The following PHACTR3 variants were observed in gnomAD, a reference collection of about 807,000 sequenced individuals.
The protein encoded by PHACTR3 is phosphatase and actin regulator 3.
PHACTR3 carries 16 observed loss-of-function variants against 66.8 expected under a neutral mutation model. The ratio of observed to expected loss-of-function variants is 0.24; its 90% CI spans 0.16 to 0.36. PHACTR3 has a LOEUF of 0.36. Ranked by LOEUF, PHACTR3 falls within the 10% of genes least tolerant of loss-of-function variation. PHACTR3 has a pLI of 1.00. For missense variants in PHACTR3, 647 were observed against 719.9 expected (o/e 0.90, Z 1.16); for synonymous variants, 323 against 292.1 (o/e 1.11, Z -1.08).
chr20:59,672,345 C>T (rs1333673172), intron 1 of PHACTR3, among the ~76,000 whole-genome samples: 1 of 152,240 alleles, frequency 6.6e-6, no homozygotes, highest in Admixed American at 6.5e-5. Context: ...ACCTCAGTTT[C>T]CCATCTCTAA....
Position 59,839,639 on chromosome 20 carries a change from C to T in PHACTR3, c.1385-730C>T, listed in dbSNP as rs1600753509. Among the ~76,000 whole-genome samples, 2 of 152,124 alleles carry T rather than the reference C, an allele frequency of 1.3e-5. 1 individual carries two copies. Among genetic ancestry groups the T allele is most frequent in the South Asian group, 4.1e-4 (2 of 4,828 alleles). ...TTACGTTTTATACTATATCTCAGCA[C>T]TTTCGTCTATTTTTGGCTTCCAAGG... On this transcript the variant is annotated intron_variant, in intron 9 of 12. Transcript: ENST00000371015.
At chr20:59,589,898 A>T (rs1242785832) in intron 1 of PHACTR3, among the ~76,000 whole-genome samples, 1 of 152,242 alleles carries the variant, frequency 6.6e-6, no homozygotes, top group African/African-American at 2.4e-5. Context: ...CAAGTATTTC[A>T]TGATCTCCGC....
At chr20:59,673,233 C>G (rs1405641550) in intron 1 of PHACTR3, among the ~76,000 whole-genome samples, 1 of 152,214 alleles carries the variant, frequency 6.6e-6, no homozygotes, top group African/African-American at 2.4e-5. Flanking sequence ...GCCCTCTCTT[C>G]CTGGCTGAGC....
chr20:59,651,005 T>G (rs940192943), intron 1 of PHACTR3, among the ~76,000 whole-genome samples: 1 of 152,146 alleles, frequency 6.6e-6, no homozygotes, highest in South Asian at 2.1e-4. Flanking sequence ...TGTTAATCTT[T>G]GTTAATTCTG....
At chr20:59,684,436 C>A (rs985723889) in intron 1 of PHACTR3, among the ~76,000 whole-genome samples, 2 of 152,102 alleles carry the variant, frequency 1.3e-5, no homozygotes, top group Admixed American at 6.5e-5. Context: ...TGCTGAGGGG[C>A]CTTTGCAGAA....
intron 4 of PHACTR3, among the ~76,000 whole-genome samples, chr20:59,761,683 C>T (rs1024913774): frequency 3.9e-5 from 6 of 152,194 alleles, no homozygotes; most frequent in Admixed American, 3.9e-4. Flanking sequence ...TTTATCAGCC[C>T]CTGCTCTGGA....
At chr20:59,737,913 C>T (rs909228212) in intron 1 of PHACTR3, among the ~76,000 whole-genome samples, 25 of 152,176 alleles carry the variant, frequency 1.6e-4, no homozygotes, top group African/African-American at 5.3e-4. Flanking sequence ...TGCTCCCTCG[C>T]CAGCCCTCAG....
At chr20:59,792,137 C>T (rs924159230) in intron 7 of PHACTR3, among the ~76,000 whole-genome samples, 1 of 152,144 alleles carries the variant, frequency 6.6e-6, no homozygotes, top group Non-Finnish European at 1.5e-5. Flanking sequence ...GATCAAAGTG[C>T]CATGTGTGGT....
intron 1 of PHACTR3, among the ~76,000 whole-genome samples, chr20:59,635,702 T>G (rs1208377037): frequency 6.6e-6 from 1 of 152,238 alleles, no homozygotes; most frequent in Non-Finnish European, 1.5e-5. Flanking sequence ...GCAGTACATT[T>G]GCTGTCACTT....
At chr20:59,589,646 G>A (rs1003549112) in intron 1 of PHACTR3, among the ~76,000 whole-genome samples, 5 of 152,142 alleles carry the variant, frequency 3.3e-5, no homozygotes, top group African/African-American at 4.8e-5. Flanking sequence ...CCAGCTCCAC[G>A]GACTCTGCTG....
In PHACTR3 at chr20:59,783,623, A is replaced by G. The variant is rs190479142; in HGVS notation, c.1174+9133A>G. 4.6e-5 allele frequency among the ~76,000 whole-genome samples: 7 copies of G among 152,178 alleles called. 1 individual carries two copies. In the South Asian group the frequency reaches 1.4e-3, roughly 31 times the overall value. On this transcript the variant is annotated intron_variant, in intron 7 of 12. Coordinates refer to ENST00000371015, the MANE Select transcript of PHACTR3 (RefSeq NM_080672.5). ...CAAAGAGAGGGGATGAAACTTGCCC[A>G]TTTTGAATCCAGGGCTTTCCAGCTC...
chr20:59,833,545 A>G (rs1393306372), intron 8 of PHACTR3, among the ~76,000 whole-genome samples: 1 of 152,120 alleles, frequency 6.6e-6, no homozygotes. Context: ...CAAGGTTCCA[A>G]CAAAGGGCGG....
intron 3 of PHACTR3, among the ~76,000 whole-genome samples, chr20:59,753,013 G>T (rs993887137): frequency 3.3e-5 from 5 of 152,196 alleles, no homozygotes; most frequent in African/African-American, 1.2e-4. Flanking sequence ...CTCTAATTTT[G>T]TCTACTCGGT....
chr20:59,601,351 A>C (rs556253436), upstream of PHACTR3, among the ~76,000 whole-genome samples: 1 of 152,298 alleles, frequency 6.6e-6, no homozygotes, highest in East Asian at 1.9e-4. Flanking sequence ...GATGGACCAC[A>C]TTTTATTTAC....
At chr20:59,810,540 G>A (rs1014726046) in intron 8 of PHACTR3, among the ~76,000 whole-genome samples, 10 of 152,172 alleles carry the variant, frequency 6.6e-5, no homozygotes, top group Non-Finnish European at 1.2e-4. Context: ...TTCCTCCACC[G>A]TCTCTTGCTA....
Position 59,773,488 on chromosome 20 carries a change from C to T in PHACTR3, c.926+35C>T, listed in dbSNP as rs1359288810. 6 of 1,555,094 alleles carry T rather than the reference C, an allele frequency of 3.9e-6. No homozygotes were observed. In the East Asian group the frequency reaches 9.6e-5, roughly 25 times the overall value. On this transcript the variant is annotated intron_variant, in intron 6 of 12. Coordinates refer to ENST00000371015, the MANE Select transcript of PHACTR3 (RefSeq NM_080672.5). ...TGCCCCATGAGGGAGACCTGTGCTG[C>T]CAGAATCCCTGCCTGGCCAGCCTCA...
At chr20:59,580,515 A>G (rs1161342655) in intron 1 of PHACTR3, among the ~76,000 whole-genome samples, 7 of 151,986 alleles carry the variant, frequency 4.6e-5, no homozygotes, top group Non-Finnish European at 8.8e-5. Flanking sequence ...CAGACTTCGA[A>G]GTCTGATTTC....
Position 59,743,267 on chromosome 20 carries a change from A to G in PHACTR3, c.279A>G (p.Ser93=). The G allele has an allele frequency of 6.2e-7, 1 of 1,613,952 alleles. No individual in the cohort carries two copies. ...ACGAAAAACTGAAGCAGACAACGTC[A>G]GGTAAAGGCCTGGTGACAGGCGCGG... ...KKNEKLKQTT[S]ALEKKMAGRQ... is the part of the protein sequence containing the mutation. Residue 93 remains serine (S), a splice_region_variant and synonymous_variant, in exon 2 of 13, where the codon TCA becomes TCG. Coordinates refer to ENST00000371015, the MANE Select transcript of PHACTR3 (RefSeq NM_080672.5).
rs989570250 is a variant in PHACTR3, at chr20:59,736,390, G to A, written c.119-6717G>A. Among the ~76,000 whole-genome samples the A allele has an allele frequency of 6.6e-6, 1 of 152,064 alleles. No individual in the cohort carries two copies. Among genetic ancestry groups the A allele is most frequent in the Admixed American group, 6.5e-5 (1 of 15,276 alleles). The stretch of plus-strand genomic sequence containing the variant: ...AGACGGGGAGAGAATTCCTGGAGTG[G>A]GGGGAGGTGCTCCCATCTGTCCCTT... On this transcript the variant is annotated intron_variant, in intron 1 of 12. Transcript: ENST00000371015. This position sits in a 1 kb window ranked among gnomAD's most constrained non-coding sequence, Gnocchi z 4.6.
Sources: allele counts gnomAD v4.1 joint callset (sites outside exome capture counted in the v4.1 genomes callset), GRCh38; gene constraint gnomAD v4.1.1; non-coding constraint Gnocchi (gnomAD v3.1); transcripts MANE v1.5; gene names NCBI Gene and HGNC (gene_info 2026-07-23, HGNC 2026-07-21).